Variants in COLEC12 observed in about 807,000 individuals in gnomAD.
The protein encoded by COLEC12 is collectin subfamily member 12, also known as collectin-12.
A neutral mutation model predicts 71.1 loss-of-function variants in COLEC12; 33 were observed. The ratio of observed to expected loss-of-function variants is 0.46; its 90% CI spans 0.35 to 0.62. The LOEUF (loss-of-function observed/expected upper bound fraction) is 0.62. Ranked by LOEUF, COLEC12 falls within the 20% of genes least tolerant of loss-of-function variation. The pLI is 0.00. For missense variants in COLEC12, 765 were observed against 916.1 expected (o/e 0.84, Z 2.13); for synonymous variants, 350 against 353.0 (o/e 0.99, Z 0.10).
At chr18:395,158 G>A (rs1416651811) in intron 2 of COLEC12, among the ~76,000 whole-genome samples, 1 of 152,210 alleles carries the variant, frequency 6.6e-6, no homozygotes, top group Non-Finnish European at 1.5e-5. Context: ...GTGGAAGAAT[G>A]CAGCAGAAAT....
Position 368,732 on chromosome 18 carries a change from G to A in COLEC12, c.59-11210C>T, listed in dbSNP as rs185295646. Among the ~76,000 whole-genome samples, 1,407 of 152,222 alleles carry A rather than the reference G, an allele frequency of 9.2e-3. 11 individuals are homozygous for A. The highest frequency in any genetic ancestry group is 0.024 in the Middle Eastern group (7 of 294). On this transcript the variant is annotated intron_variant, in intron 2 of 9. Coordinates refer to ENST00000400256, the MANE Select transcript of COLEC12 (RefSeq NM_130386.3). ...TACAAAAAAATTAGCCGGGCGTGGT[G>A]GCGGGCGCCTGTAGTCCCAGCTACT...
chr18:441,336 G>A (rs567511204), intron 2 of COLEC12, among the ~76,000 whole-genome samples: 2 of 152,274 alleles, frequency 1.3e-5, no homozygotes, highest in African/African-American at 2.4e-5. Context: ...CAGCTTATGT[G>A]AGCTCAAGGG....
chr18:388,206 A>G (rs1306651581), intron 2 of COLEC12, among the ~76,000 whole-genome samples: 1 of 152,304 alleles, frequency 6.6e-6, no homozygotes, highest in South Asian at 2.1e-4. Flanking sequence ...AAGAAAATCA[A>G]GCTTAAATAT....
intron 2 of COLEC12, among the ~76,000 whole-genome samples, chr18:367,137 C>T (rs1363594839): frequency 2.0e-5 from 3 of 152,180 alleles, no homozygotes; most frequent in African/African-American, 7.2e-5. Context: ...ACCTGCAATC[C>T]AACACTTGCC....
At chr18:366,505 T>C (rs1477427837) in intron 2 of COLEC12, among the ~76,000 whole-genome samples, 1 of 152,186 alleles carries the variant, frequency 6.6e-6, no homozygotes, top group Non-Finnish European at 1.5e-5. Context: ...TAAGCACCTG[T>C]GTAGTTGATA....
chr18:348,248 G>T, intron 3 of COLEC12, 85 bp from the exon 4 acceptor site: 1 of 814,276 alleles, frequency 1.2e-6, no homozygotes, highest in Non-Finnish European at 2.0e-6. Context: ...ATTTCATTAT[G>T]GAACAAAGGA....
At chr18:437,018 G>A (rs1916421408) in intron 2 of COLEC12, among the ~76,000 whole-genome samples, 1 of 152,208 alleles carries the variant, frequency 6.6e-6, no homozygotes, top group Non-Finnish European at 1.5e-5. Flanking sequence ...CTTCCAAGGT[G>A]AGAAGCAATT....
intron 2 of COLEC12, among the ~76,000 whole-genome samples, chr18:449,401 C>G (rs1192841782): frequency 1.3e-5 from 2 of 152,142 alleles, no homozygotes; most frequent in African/African-American, 4.8e-5. Flanking sequence ...AGTTTACACT[C>G]TAGTTGGCAT....
intron 5 of COLEC12, among the ~76,000 whole-genome samples, chr18:335,732 C>CT (rs1567876191): frequency 8.5e-5 from 13 of 152,058 alleles, no homozygotes; most frequent in African/African-American, 2.7e-4. Flanking sequence ...CCTCCCAGTC[C>CT]GTGTACTGTG....
intron 2 of COLEC12, among the ~76,000 whole-genome samples, chr18:449,603 T>C (rs747589109): frequency 6.6e-6 from 1 of 152,238 alleles, no homozygotes; most frequent in Non-Finnish European, 1.5e-5. Flanking sequence ...CTCAGTAAGC[T>C]ATTCAGCAAT....
chr18:382,897 T>C (rs1915264960), intron 2 of COLEC12, among the ~76,000 whole-genome samples: 1 of 152,252 alleles, frequency 6.6e-6, no homozygotes, highest in African/African-American at 2.4e-5. Context: ...CAAATTATAG[T>C]ATTGAGCATC....
chr18:375,117 C>T (rs780585186), intron 2 of COLEC12, among the ~76,000 whole-genome samples: 3 of 152,240 alleles, frequency 2.0e-5, no homozygotes, highest in Non-Finnish European at 2.9e-5. Context: ...TCCTTCCTCA[C>T]ACCTAGTTTC....
At chr18:344,525 T>C (rs1299936015) in intron 5 of COLEC12, among the ~76,000 whole-genome samples, 2 of 152,214 alleles carry the variant, frequency 1.3e-5, no homozygotes, top group African/African-American at 4.8e-5. Flanking sequence ...ATGTCTCTTT[T>C]GAAAGGGGCT....
intron 8 of COLEC12, among the ~76,000 whole-genome samples, chr18:330,972 T>C (rs1913965993): frequency 1.3e-5 from 2 of 150,312 alleles, no homozygotes; most frequent in African/African-American, 4.9e-5. Context: ...CTCCGCCTCC[T>C]GGGTTTAAGC....
intron 2 of COLEC12, among the ~76,000 whole-genome samples, chr18:429,904 G>A (rs1247845824): frequency 6.6e-6 from 1 of 152,086 alleles, no homozygotes; most frequent in Non-Finnish European, 1.5e-5. Context: ...ATTACTGCCT[G>A]GTATCACAGG....
chr18:492,497 T>C (rs1309686778), intron 1 of COLEC12, among the ~76,000 whole-genome samples: 2 of 152,204 alleles, frequency 1.3e-5, no homozygotes, highest in African/African-American at 2.4e-5. Flanking sequence ...TCATCATTCA[T>C]AGGTGATTAT....
rs537315190 is a variant in COLEC12, at chr18:386,999, T to C, written c.59-29477A>G. Reference sequence around the variant, plus strand: ...AGACCGCTACCATATCTGCTGAAGGTAGGGTGCCCACATTGCTGCCCCATG... The same window carrying C: ...AGACCGCTACCATATCTGCTGAAGGCAGGGTGCCCACATTGCTGCCCCATG... On this transcript the variant is annotated intron_variant, in intron 2 of 9. Coordinates refer to ENST00000400256, the MANE Select transcript of COLEC12 (RefSeq NM_130386.3). Among the ~76,000 whole-genome samples the C allele has an allele frequency of 1.9e-4, 29 of 152,266 alleles. No individual in the cohort carries two copies. In the East Asian group the frequency reaches 5.0e-3, roughly 26 times the overall value.
intron 2 of COLEC12, among the ~76,000 whole-genome samples, chr18:472,590 G>A (rs962905332): frequency 6.6e-6 from 1 of 150,798 alleles, no homozygotes; most frequent in African/African-American, 2.4e-5. Context: ...GGGAGGCTGA[G>A]GTGAGAGAAT....
chr18:468,134 T>C (rs978858687), intron 2 of COLEC12, among the ~76,000 whole-genome samples: 5 of 151,958 alleles, frequency 3.3e-5, no homozygotes, highest in Non-Finnish European at 7.4e-5. Flanking sequence ...TGGTGTCATG[T>C]GCCTGTAGTC....
Sources: allele counts gnomAD v4.1 joint callset (sites outside exome capture counted in the v4.1 genomes callset), GRCh38; gene constraint gnomAD v4.1.1; transcripts MANE v1.5; gene names NCBI Gene and HGNC (gene_info 2026-07-23, HGNC 2026-07-21).